Variants in LEMD3 observed in about 807,000 individuals in gnomAD.
The protein encoded by LEMD3 is inner nuclear membrane protein Man1.
LEMD3 carries 33 observed loss-of-function variants against 95.2 expected under a neutral mutation model. The ratio of observed to expected loss-of-function variants is 0.35; its 90% CI spans 0.26 to 0.46. The LOEUF (loss-of-function observed/expected upper bound fraction) is 0.46. Among genes scored for constraint, LEMD3 ranks in the 20% least tolerant of loss-of-function variants. LEMD3 has a pLI of 1.00. For synonymous variants in LEMD3, 525 were observed against 474.6 expected (o/e 1.11, Z -1.38); for missense variants, 1,210 against 1,192.8 (o/e 1.01, Z -0.21).
At chr12:65,226,289 G>A (rs1315265941) in intron 4 of LEMD3, among the ~76,000 whole-genome samples, 1 of 152,134 alleles carries the variant, frequency 6.6e-6, no homozygotes, top group Non-Finnish European at 1.5e-5. Context: ...TGCCCTGTGG[G>A]GTGATGAGAG....
In LEMD3 at chr12:65,169,823, T is replaced by G; in HGVS notation, c.227T>G (p.Val76Gly). The G allele has an allele frequency of 6.7e-7, 1 of 1,486,346 alleles. No homozygotes were observed. Among genetic ancestry groups the G allele is most frequent in the Non-Finnish European group, 9.0e-7 (1 of 1,116,182 alleles). The allele number at this position is 1,486,346 out of a possible 1,614,324, so 92.1% of individuals were successfully genotyped here. The change falls in exon 1 of 13, where the codon GTC (valine) becomes GGC (glycine). Residue 76 changes from valine (V) to glycine (G), a missense_variant. Transcript: ENST00000308330. Reference protein sequence around the residue: ...SNNNNTAAATVAAAGPAAAAA... With the variant: ...SNNNNTAAATGAAAGPAAAAA... Reference sequence around the variant, plus strand: ...AACAATAACACGGCAGCCGCCACGGTCGCAGCCGCGGGACCAGCGGCGGCG... The same window carrying G: ...AACAATAACACGGCAGCCGCCACGGGCGCAGCCGCGGGACCAGCGGCGGCG...
In LEMD3 at chr12:65,170,253, C is replaced by G. The variant is rs1401446894; in HGVS notation, c.657C>G (p.Asp219Glu). The change falls in exon 1 of 13, where the codon GAC becomes GAG. Residue 219 changes from aspartate to glutamate, a missense_variant. This residue lies in a region of LEMD3 where 749 missense variants were observed against 622.9 expected (regional missense o/e 1.20). Coordinates refer to ENST00000308330, the MANE Select transcript of LEMD3 (RefSeq NM_014319.5). Reference protein sequence around the residue: ...TPPGKDGAVEDEEGEGEDGEE... With the variant: ...TPPGKDGAVEEEEGEGEDGEE... ...CGGGGAAAGATGGAGCAGTGGAGGA[C>G]GAGGAAGGGGAGGGAGAGGACGGTG... 4 of 1,551,130 alleles carry G rather than the reference C, an allele frequency of 2.6e-6. No homozygotes were observed. The highest frequency in any genetic ancestry group is 3.5e-6 in the Non-Finnish European group (4 of 1,146,894).
Position 65,170,942 on chromosome 12 carries a change from C to T in LEMD3, c.1346C>T (p.Pro449Leu), listed in dbSNP as rs1868527446. ...NTYNKPKLSE[P>L]EEELLQQFKR... is the part of the protein sequence containing the mutation. Reference sequence around the variant, plus strand: ...TACAACAAACCGAAGCTTTCCGAACCCGAAGAGGAACTTCTCCAGCAATTT... The same window carrying T: ...TACAACAAACCGAAGCTTTCCGAACTCGAAGAGGAACTTCTCCAGCAATTT... Residue 449 changes from proline to leucine, a missense_variant, in exon 1 of 13, where the codon CCC (proline) becomes CTC (leucine). By Grantham distance (98) the Pro-to-Leu change is moderately conservative. Transcript: ENST00000308330. The T allele has an allele frequency of 6.2e-7, 1 of 1,614,224 alleles. No homozygotes were observed. The highest frequency in any genetic ancestry group is 8.5e-7 in the Non-Finnish European group (1 of 1,180,046).
chr12:65,171,183 G>T (rs187683275), intron 1 of LEMD3, 65 bp downstream of exon 1: 17 of 1,597,862 alleles, frequency 1.1e-5, no homozygotes, highest in Non-Finnish European at 1.2e-5. Flanking sequence ...CTTTAGCCGC[G>T]CTTAGCGTTT....
At chr12:65,202,504 T>C (rs1052111766) in intron 1 of LEMD3, among the ~76,000 whole-genome samples, 3 of 152,204 alleles carry the variant, frequency 2.0e-5, no homozygotes, top group Admixed American at 2.0e-4. Context: ...TGCTATTTGC[T>C]GAAGACTTTT....
intron 4 of LEMD3, among the ~76,000 whole-genome samples, chr12:65,218,912 G>A (rs530112191): frequency 6.7e-6 from 1 of 150,270 alleles, no homozygotes; most frequent in African/African-American, 2.5e-5. Flanking sequence ...CCTCAGCCTC[G>A]CGAGTAGCTG....
At chr12:65,176,980 T>C (rs1166916509) in intron 1 of LEMD3, among the ~76,000 whole-genome samples, 1 of 152,196 alleles carries the variant, frequency 6.6e-6, no homozygotes, top group African/African-American at 2.4e-5. Context: ...AAAAGAAATC[T>C]TATTTCTGTA....
intron 3 of LEMD3, 126 bp downstream of exon 3, chr12:65,216,169 A>G: frequency 3.0e-6 from 2 of 671,258 alleles, no homozygotes; most frequent in Non-Finnish European, 2.6e-6. Context: ...AGAAGTTTTC[A>G]TTACCTATAC....
At chr12:65,192,014 T>G (rs1181984363) in intron 1 of LEMD3, among the ~76,000 whole-genome samples, 1 of 150,904 alleles carries the variant, frequency 6.6e-6, no homozygotes, top group African/African-American at 2.4e-5. Context: ...AAATACTTGA[T>G]TAAAGTAGAT....
At chr12:65,195,795 T>C (rs1040487193) in intron 1 of LEMD3, among the ~76,000 whole-genome samples, 1 of 152,168 alleles carries the variant, frequency 6.6e-6, no homozygotes, top group Non-Finnish European at 1.5e-5. Context: ...ATTCAGTCCT[T>C]CTCTCTCTGG....
At chr12:65,208,075 A>C (rs997518728) in intron 1 of LEMD3, among the ~76,000 whole-genome samples, 1 of 152,114 alleles carries the variant, frequency 6.6e-6, no homozygotes, top group African/African-American at 2.4e-5. Context: ...GATTCTAATG[A>C]AACATTTAAG....
At chr12:65,205,944 A>G (rs528307187) in intron 1 of LEMD3, among the ~76,000 whole-genome samples, 2 of 152,162 alleles carry the variant, frequency 1.3e-5, no homozygotes, top group Admixed American at 6.6e-5. Context: ...ATCTAGAATG[A>G]CCATCTATTT....
At chr12:65,232,987 G>C (rs546536848) in intron 4 of LEMD3, among the ~76,000 whole-genome samples, 1 of 152,240 alleles carries the variant, frequency 6.6e-6, no homozygotes, top group South Asian at 2.1e-4. Flanking sequence ...AGTCTGTGTG[G>C]AAAAATGAGT....
At chr12:65,225,523 T>C (rs1268751224) in intron 4 of LEMD3, among the ~76,000 whole-genome samples, 1 of 152,232 alleles carries the variant, frequency 6.6e-6, no homozygotes, top group African/African-American at 2.4e-5. Context: ...ATCCCTGGTA[T>C]CTGTAGGTTA....
At chr12:65,205,477 T>A (rs1489161823) in intron 1 of LEMD3, among the ~76,000 whole-genome samples, 2 of 152,196 alleles carry the variant, frequency 1.3e-5, no homozygotes, top group Non-Finnish European at 2.9e-5. Context: ...TTTACTTCCT[T>A]AGACACATTG....
chr12:65,211,803 A>G (rs1869946816), intron 2 of LEMD3, among the ~76,000 whole-genome samples: 1 of 152,234 alleles, frequency 6.6e-6, no homozygotes, highest in Non-Finnish European at 1.5e-5. Context: ...AATTTGGTAC[A>G]GTATACTTAC....
chr12:65,170,122 C>A lies in LEMD3; in HGVS notation c.526C>A (p.Pro176Thr). 6.9e-7 allele frequency: 1 copy of A among 1,458,606 alleles called. No homozygotes were observed. The highest frequency in any genetic ancestry group is 9.0e-7 in the Non-Finnish European group (1 of 1,111,334). 90.4% of individuals were successfully genotyped at this position (1,458,606 alleles called of 1,614,324 possible). A position where few individuals can be genotyped will look rare whatever the true frequency, so the allele number is the denominator to read the frequency against. Residue 176 changes from proline (P) to threonine (T), a missense_variant, in exon 1 of 13, where the codon CCC becomes ACC. Pro to Thr is a conservative substitution (Grantham distance 38). Coordinates refer to ENST00000308330, the MANE Select transcript of LEMD3 (RefSeq NM_014319.5). ...CCGCGGGCTCAAAGCGCCGCCGGCG[C>A]CCCTGGCCGCCAGCGAGGTGACTAA... The part of the protein sequence containing the change: ...QYRGLKAPPA[P>T]LAASEVTNSN...
rs767635681 is a variant in LEMD3, at chr12:65,169,671, C to T, written c.75C>T (p.Gly25=). 3.8e-6 allele frequency: 6 copies of T among 1,586,640 alleles called. No individual in the cohort carries two copies. In the Admixed American group the frequency reaches 5.4e-5, roughly 14 times the overall value. The stretch of plus-strand genomic sequence containing the variant: ...TTTTCTCTCAGCTCCGCCGTTACGG[C>T]CTGTCTCCCGGACCAGTGACGGAGA... The part of the protein sequence containing the change: ...EELFSQLRRY[G]LSPGPVTEST... Residue 25 remains glycine, a synonymous_variant, in exon 1 of 13, where the codon GGC becomes GGT. Coordinates refer to ENST00000308330, the MANE Select transcript of LEMD3 (RefSeq NM_014319.5).
In LEMD3 at chr12:65,170,754, T is replaced by C. The variant is rs1299588415; in HGVS notation, c.1158T>C (p.Leu386=). 1 of 1,614,172 alleles carries C rather than the reference T, an allele frequency of 6.2e-7. No homozygotes were observed. Among genetic ancestry groups the C allele is most frequent in the Admixed American group, 1.7e-5 (1 of 60,026 alleles). ...DSTLDSSTGS[L]LKTNNHIGGG... ...CCTTGGATTCGTCAACAGGCTCCCT[T>C]CTGAAAACCAATAATCATATTGGCG... Residue 386 remains leucine, a synonymous_variant, in exon 1 of 13, where the codon CTT becomes CTC. Coordinates refer to ENST00000308330, the MANE Select transcript of LEMD3 (RefSeq NM_014319.5).
Sources: gnomAD v4.1 joint callset for allele counts (sites outside exome capture counted in the v4.1 genomes callset) on GRCh38, gnomAD v4.1.1 for gene constraint, gnomAD v4.1.1 regional missense constraint, MANE v1.5 for transcripts, NCBI Gene and HGNC (gene_info 2026-07-23, HGNC 2026-07-21) for gene names.